Variants in DGKG observed in about 807,000 individuals in gnomAD.
DGKG encodes the protein diacylglycerol kinase gamma, also known as DAG kinase gamma.
Under a neutral mutation model 105.3 loss-of-function variants are expected in DGKG, and 78 were observed. The ratio of observed to expected loss-of-function variants is 0.74; its 90% CI spans 0.62 to 0.89. DGKG has a LOEUF of 0.89. Ranked by LOEUF, DGKG falls within the 40% of genes least tolerant of loss-of-function variation. The probability of loss-of-function intolerance (pLI) is 0.00; values close to 1 mark genes in which losing one functional copy is unlikely to be tolerated. For missense variants in DGKG, 958 were observed against 1,020.1 expected (o/e 0.94, Z 0.83); for synonymous variants, 346 against 367.1 (o/e 0.94, Z 0.66).
intron 18 of DGKG, 75 bp from the exon 19 acceptor site, chr3:186,251,994 G>T: frequency 7.0e-7 from 1 of 1,435,834 alleles, no homozygotes. Flanking sequence ...TAGTTGTCAG[G>T]GCAGGTAAGC....
At chr3:186,158,731 C>G (rs1039085840) in intron 24 of DGKG, 4 of 971,958 alleles carry the variant, frequency 4.1e-6, no homozygotes, top group African/African-American at 3.5e-5. Context: ...CAATATCTGT[C>G]TGTCAATTCT....
At chr3:186,229,711 T>C (rs1481313077) in intron 20 of DGKG, among the ~76,000 whole-genome samples, 1 of 152,212 alleles carries the variant, frequency 6.6e-6, no homozygotes, top group East Asian at 1.9e-4. Flanking sequence ...GCAGGGGCTG[T>C]GGTGCTCCAT....
At chr3:186,304,875 C>T (rs1350879025) in intron 3 of DGKG, among the ~76,000 whole-genome samples, 6 of 152,176 alleles carry the variant, frequency 3.9e-5, no homozygotes, top group Admixed American at 3.9e-4. Context: ...AGGGTCATGG[C>T]TTTCAAACCT....
chr3:186,361,910 C>T lies in DGKG; in HGVS notation c.-249+36G>A, dbSNP rs979782964. On this transcript the variant is annotated intron_variant, in intron 1 of 24. Transcript: ENST00000265022. This position sits in a 1 kb window ranked among gnomAD's most constrained non-coding sequence, Gnocchi z 6.8. ...TTGCTGCACCGGGTGCTCCCTGAGCCGGGGACCCCCTCCGCCGCGCCGGCC... is the reference window on the plus strand; with the variant it reads ...TTGCTGCACCGGGTGCTCCCTGAGCTGGGGACCCCCTCCGCCGCGCCGGCC... 1 of 152,500 alleles carries T rather than the reference C, an allele frequency of 6.6e-6. No individual in the cohort carries two copies. The highest frequency in any genetic ancestry group is 1.9e-4 in the East Asian group (1 of 5,198). 9.4% of individuals were successfully genotyped at this position (152,500 alleles called of 1,614,324 possible).
intron 20 of DGKG, among the ~76,000 whole-genome samples, chr3:186,237,755 A>T (rs1720486563): frequency 6.6e-6 from 1 of 152,234 alleles, no homozygotes; most frequent in Non-Finnish European, 1.5e-5. Context: ...GAGCTAGGTC[A>T]GAAATTAAAT....
intron 21 of DGKG, 118 bp from the exon 22 acceptor site, chr3:186,188,497 C>T (rs1717750653): frequency 1.4e-5 from 14 of 994,630 alleles, no homozygotes; most frequent in Non-Finnish European, 1.8e-5. Context: ...GTGACAGGTC[C>T]TCAGCCACCA....
chr3:186,294,570 T>G (rs1287152028), intron 5 of DGKG, among the ~76,000 whole-genome samples: 1 of 143,436 alleles, frequency 7.0e-6, no homozygotes, highest in Non-Finnish European at 1.5e-5. Flanking sequence ...TCTAGGTAAA[T>G]AATTTGGGGC....
chr3:186,329,871 G>A (rs1725518957), intron 1 of DGKG, among the ~76,000 whole-genome samples: 1 of 152,238 alleles, frequency 6.6e-6, no homozygotes, highest in African/African-American at 2.4e-5. Context: ...ATTTACTGCA[G>A]TGCATGTACT....
At chr3:186,360,796 CCTGACCA>C (rs566757429) in intron 1 of DGKG, among the ~76,000 whole-genome samples, 291 of 152,336 alleles carry the variant, frequency 1.9e-3, no homozygotes, top group Middle Eastern at 3.4e-3. Context: ...AGTCCTGTGT[CCTGACCA>C]CTGTCTCTCA....
At chr3:186,162,393 T>G (rs1716337441) in intron 23 of DGKG, among the ~76,000 whole-genome samples, 3 of 152,208 alleles carry the variant, frequency 2.0e-5, no homozygotes, top group Admixed American at 2.0e-4. Context: ...TGCCAAAAAC[T>G]CCACTCTGAA....
intron 15 of DGKG, 146 bp from the exon 16 acceptor site, chr3:186,260,659 CT>C: frequency 1.5e-6 from 1 of 657,850 alleles, no homozygotes; most frequent in Non-Finnish European, 2.6e-6. Flanking sequence ...AGGGCACTGC[CT>C]GCTGACCCTG....
chr3:186,350,893 C>T (rs6786711), intron 1 of DGKG, among the ~76,000 whole-genome samples: 29,080 of 152,124 alleles, frequency 0.19, 4,127 homozygotes, highest in African/African-American at 0.4. Flanking sequence ...TTCACATATC[C>T]TTTTTTGAGA....
chr3:186,188,088 C>G, intron 22 of DGKG, 114 bp downstream of exon 22: 2 of 1,245,976 alleles, frequency 1.6e-6, no homozygotes, highest in Non-Finnish European at 2.3e-6. Flanking sequence ...AGCATATCCG[C>G]AGAGCATGGA....
intron 21 of DGKG, among the ~76,000 whole-genome samples, chr3:186,201,559 A>G (rs777178415): frequency 1.3e-5 from 2 of 152,144 alleles, no homozygotes; most frequent in African/African-American, 2.4e-5. Context: ...GATACCACCA[A>G]TAGCTTCCTA....
intron 5 of DGKG, among the ~76,000 whole-genome samples, chr3:186,296,021 A>C (rs575560775): frequency 6.6e-6 from 1 of 152,196 alleles, no homozygotes; most frequent in South Asian, 2.1e-4. Context: ...ACGCACAAGA[A>C]TAGCTTGAAC....
rs191336230 is a variant in DGKG at position 186,322,564 on chromosome 3, C to A, written c.-248-1857G>T. Among the ~76,000 whole-genome samples the A allele has an allele frequency of 2.1e-3, 313 of 152,142 alleles. 1 individual carries two copies. Among genetic ancestry groups the A allele is most frequent in the African/African-American group, 7.3e-3 (302 of 41,498 alleles). ...CCATATAACAAACCTGCACAAGAAC[C>A]CTTGAACCTAAAATAAAAGTTAAAG... On this transcript the variant is annotated intron_variant, in intron 1 of 24. Coordinates refer to ENST00000265022, the MANE Select transcript of DGKG (RefSeq NM_001346.3).
Position 186,257,891 on chromosome 3 carries a change from A to C in DGKG, c.1473T>G (p.Gly491=), listed in dbSNP as rs1407254253. ...AAATCCAGCCAACTGTCCCATCTCC[A>C]CCACAGGCCAAAACACGGAAGTCTG... ...DTPDFRVLAC[G]GDGTVGWILD... is the part of the protein sequence containing the mutation. Residue 491 remains glycine (G), a synonymous_variant, in exon 17 of 25, where the codon GGT becomes GGG. Transcript: ENST00000265022. 6.2e-7 allele frequency: 1 copy of C among 1,613,944 alleles called. No homozygotes were observed. The highest frequency in any genetic ancestry group is 8.5e-7 in the Non-Finnish European group (1 of 1,179,952).
At chr3:186,150,616 A>T (rs906187230) in intron 24 of DGKG, among the ~76,000 whole-genome samples, 1 of 152,182 alleles carries the variant, frequency 6.6e-6, no homozygotes, top group Non-Finnish European at 1.5e-5. Flanking sequence ...GCTCCTGGTC[A>T]TTCCTGCCAA....
intron 15 of DGKG, 34 bp from the exon 16 acceptor site, chr3:186,260,547 G>A (rs897828530): frequency 7.1e-7 from 1 of 1,412,300 alleles, no homozygotes; most frequent in Non-Finnish European, 1.0e-6. Flanking sequence ...GGGAGAGAGA[G>A]AGACAGAGAA....
Sources: allele counts gnomAD v4.1 joint callset (sites outside exome capture counted in the v4.1 genomes callset), GRCh38; gene constraint gnomAD v4.1.1; non-coding constraint Gnocchi (gnomAD v3.1); transcripts MANE v1.5; gene names NCBI Gene and HGNC (gene_info 2026-07-23, HGNC 2026-07-21).